Variants in SPAG16 observed in about 807,000 individuals in gnomAD.
SPAG16 encodes sperm-associated antigen 16 protein.
A neutral mutation model predicts 80.4 loss-of-function variants in SPAG16; 86 were observed. That is an observed-to-expected ratio of 1.07 (90% CI 0.90 to 1.28). The LOEUF (loss-of-function observed/expected upper bound fraction) is 1.28. Among genes scored for constraint, SPAG16 ranks in the 50% most tolerant of loss-of-function variants. The pLI is 0.00. For missense variants in SPAG16, 870 were observed against 765.3 expected, an observed-to-expected ratio of 1.14 and a Z score of -1.61; for synonymous variants, 294 against 265.9, an observed-to-expected ratio of 1.11 and a Z score of -1.03.
At chr2:213,660,675 G>T (rs1460927716) in intron 10 of SPAG16, among the ~76,000 whole-genome samples, 3 of 152,114 alleles carry the variant, frequency 2.0e-5, no homozygotes, top group African/African-American at 7.2e-5. Flanking sequence ...AAAACCCCTT[G>T]TGGCCTCTGG....
chr2:213,436,209 A>G (rs1001042817), intron 9 of SPAG16, among the ~76,000 whole-genome samples: 2 of 152,166 alleles, frequency 1.3e-5, no homozygotes, highest in Non-Finnish European at 2.9e-5. Flanking sequence ...GGTGTGTAGG[A>G]TGTAAGTAGG....
chr2:213,876,230 A>G (rs2076135027), intron 11 of SPAG16, among the ~76,000 whole-genome samples: 1 of 151,114 alleles, frequency 6.6e-6, no homozygotes, highest in Non-Finnish European at 1.5e-5. Flanking sequence ...ACTTTTAGTT[A>G]TTTGAAACTT....
intron 10 of SPAG16, among the ~76,000 whole-genome samples, chr2:213,612,779 G>A (rs2061477674): frequency 6.6e-6 from 1 of 152,108 alleles, no homozygotes; most frequent in Non-Finnish European, 1.5e-5. Context: ...TGCCTCCCAG[G>A]TTCAAGCGAT....
At chr2:214,039,001 A>G (rs1163513175) in intron 13 of SPAG16, among the ~76,000 whole-genome samples, 2 of 152,168 alleles carry the variant, frequency 1.3e-5, no homozygotes, top group Non-Finnish European at 2.9e-5. Flanking sequence ...CGCAATAAAC[A>G]TACGTGTGCA....
chr2:213,596,662 T>C (rs1388007839), intron 10 of SPAG16, among the ~76,000 whole-genome samples: 1 of 152,188 alleles, frequency 6.6e-6, no homozygotes, highest in African/African-American at 2.4e-5. Flanking sequence ...TGAAACTCTA[T>C]AATCCTAGTG....
chr2:213,519,450 A>G (rs1265626011), intron 10 of SPAG16, among the ~76,000 whole-genome samples: 1 of 152,042 alleles, frequency 6.6e-6, no homozygotes, highest in Non-Finnish European at 1.5e-5. Flanking sequence ...GTCTCATGAG[A>G]TCTAATGGTT....
chr2:213,505,194 T>C (rs2074918349), intron 10 of SPAG16, among the ~76,000 whole-genome samples: 1 of 152,198 alleles, frequency 6.6e-6, no homozygotes, highest in Non-Finnish European at 1.5e-5. Flanking sequence ...ATATTATATA[T>C]AATGGAGATT....
At position 214,050,767 on chromosome 2, in the gene SPAG16, CCTCT is replaced by C. The variant is rs2049601346; in HGVS notation, c.1527+36693_1527+36696del. On this transcript the variant is annotated intron_variant, in intron 13 of 15. Transcript: ENST00000331683. The stretch of plus-strand genomic sequence containing the variant: ...CCCATCCTCCCATCTTCTTTTTCTC[CCTCT>C]CTGTCACCAGACTATTTCTTCTCCT... 3.9e-5 allele frequency among the ~76,000 whole-genome samples: 6 copies of C among 152,236 alleles called. No individual in the cohort carries two copies. In the South Asian group the frequency reaches 1.2e-3, roughly 32 times the overall value.
In SPAG16 at chr2:213,910,333, A is replaced by G. The variant is rs147478192; in HGVS notation, c.1215-19627A>G. Among the ~76,000 whole-genome samples, 38 of 152,342 alleles carry G rather than the reference A, an allele frequency of 2.5e-4. No homozygotes were observed. The East Asian group carries it at 6.9e-3, about 28-fold the overall frequency. ...ACTTCTCTTCAGATCATATAAATCT[A>G]TTACTTTTTACTGAAGATTTTCTAG... On this transcript the variant is annotated intron_variant, in intron 11 of 15. Coordinates refer to ENST00000331683, the MANE Select transcript of SPAG16 (RefSeq NM_024532.5).
chr2:213,337,769 G>A lies in SPAG16; in HGVS notation c.537-2394G>A, dbSNP rs149697146. Among the ~76,000 whole-genome samples the A allele has an allele frequency of 3.9e-5, 6 of 152,184 alleles. No homozygotes were observed. The South Asian group carries it at 6.2e-4, about 16-fold the overall frequency. ...ACTGATAGGAGTATCTGAAAGAGACGGAGAGAATGGAACCAAGTTGGAAAA... is the reference window on the plus strand; with the variant it reads ...ACTGATAGGAGTATCTGAAAGAGACAGAGAGAATGGAACCAAGTTGGAAAA... On this transcript the variant is annotated intron_variant, in intron 5 of 15. Coordinates refer to ENST00000331683, the MANE Select transcript of SPAG16 (RefSeq NM_024532.5).
At chr2:214,117,235 G>A (rs763291280) in intron 14 of SPAG16, among the ~76,000 whole-genome samples, 7 of 151,644 alleles carry the variant, frequency 4.6e-5, no homozygotes, top group Non-Finnish European at 8.8e-5. Context: ...ACAGTGGAGA[G>A]CATTAACAGC....
intron 14 of SPAG16, among the ~76,000 whole-genome samples, chr2:214,115,491 G>A (rs549775778): frequency 2.7e-4 from 41 of 152,290 alleles, no homozygotes; most frequent in African/African-American, 9.4e-4. Context: ...TTTCAGATTT[G>A]TAAGTAGGAA....
chr2:214,220,965 G>C (rs1481529480), intron 15 of SPAG16, among the ~76,000 whole-genome samples: 1 of 152,184 alleles, frequency 6.6e-6, no homozygotes, highest in African/African-American at 2.4e-5. Flanking sequence ...CAGGACTTTT[G>C]TAGTTTCTTT....
At chr2:214,010,461 T>C (rs1401034541) in intron 12 of SPAG16, among the ~76,000 whole-genome samples, 1 of 146,666 alleles carries the variant, frequency 6.8e-6, no homozygotes, top group African/African-American at 2.7e-5. Flanking sequence ...ACCTTTCCAT[T>C]AGGGTATGCT....
chr2:214,210,816 AAT>A (rs2058271167), intron 15 of SPAG16, among the ~76,000 whole-genome samples: 1 of 150,922 alleles, frequency 6.6e-6, no homozygotes, highest in Non-Finnish European at 1.5e-5. Flanking sequence ...TAAGCAAAAA[AAT>A]ACACACACAC....
intron 10 of SPAG16, among the ~76,000 whole-genome samples, chr2:213,648,595 GACACACACAC>G (rs10538676): frequency 6.7e-6 from 1 of 149,468 alleles, no homozygotes; most frequent in Admixed American, 6.7e-5. Context: ...GGCACACACA[GACACACACAC>G]ACACACACAC....
intron 12 of SPAG16, among the ~76,000 whole-genome samples, chr2:213,947,947 T>A (rs1350492232): frequency 6.6e-6 from 1 of 152,186 alleles, no homozygotes; most frequent in Non-Finnish European, 1.5e-5. Context: ...TTGCCAGTCT[T>A]ATTTTTCCTC....
In SPAG16 at chr2:213,317,340, T is replaced by C; in HGVS notation, c.520T>C (p.Tyr174His). ...NKNLKKDLKH[Y>H]KQAADKARED... Reference sequence around the variant, plus strand: ...AAATTTAAAGAAAGATTTGAAGCACTACAAACAAGCAGCTGAGTATGTTAT... The same window carrying C: ...AAATTTAAAGAAAGATTTGAAGCACCACAAACAAGCAGCTGAGTATGTTAT... Residue 174 changes from tyrosine (Y) to histidine (H), a missense_variant, in exon 5 of 16, where the codon TAC becomes CAC. Physicochemically the swap from Tyr to His is moderately conservative, Grantham distance 83. Transcript: ENST00000331683. The C allele has an allele frequency of 2.5e-6, 4 of 1,609,362 alleles. No homozygotes were observed. Among genetic ancestry groups the C allele is most frequent in the South Asian group, 1.1e-5 (1 of 90,640 alleles).
rs1208907259 is a variant in SPAG16, at chr2:213,297,288, A to G, written c.210A>G (p.Pro70=). ...TACCAGATGACAATTTTAGCATCCCAGAAGGTGAAGAAGATCTGGCAAAAG... is the reference window on the plus strand; with the variant it reads ...TACCAGATGACAATTTTAGCATCCCGGAAGGTGAAGAAGATCTGGCAAAAG... ...EEIPDDNFSI[P]EGEEDLAKAI... Residue 70 remains proline (P), a synonymous_variant, in exon 3 of 16, where the codon CCA becomes CCG. Coordinates refer to ENST00000331683, the MANE Select transcript of SPAG16 (RefSeq NM_024532.5). 1 of 1,612,694 alleles carries G rather than the reference A, an allele frequency of 6.2e-7. No homozygotes were observed.
Sources: allele counts gnomAD v4.1 joint callset (sites outside exome capture counted in the v4.1 genomes callset), GRCh38; gene constraint gnomAD v4.1.1; transcripts MANE v1.5; gene names NCBI Gene and HGNC (gene_info 2026-07-23, HGNC 2026-07-21).